GCSAM: variants seen among roughly 807,000 people sequenced by gnomAD.
GCSAM encodes the protein germinal center-associated signaling and motility protein.
Under a neutral mutation model 17.6 loss-of-function variants are expected in GCSAM, and 8 were observed. The ratio of observed to expected loss-of-function variants is 0.46; its 90% confidence interval spans 0.27 to 0.82. GCSAM has a LOEUF of 0.82. GCSAM is among the 40% of genes least tolerant of loss of function. The pLI, the probability that GCSAM is intolerant of heterozygous loss-of-function variation, is 0.15. For missense variants in GCSAM, 192 were observed against 213.5 expected, an observed-to-expected ratio of 0.90 and a Z score of 0.63; for synonymous variants, 68 against 69.0, an observed-to-expected ratio of 0.98 and a Z score of 0.07.
chr3:112,123,763 C>A lies in GCSAM; in HGVS notation c.229G>T (p.Asp77Tyr). ...CACAGCTCCTCTGAGTAGGTCTGGTCAACATTGTCCTGCTTGTCAAAGAAG... is the reference window on the plus strand; with the variant it reads ...CACAGCTCCTCTGAGTAGGTCTGGTAAACATTGTCCTGCTTGTCAAAGAAG... ...MSSTPIQDNV[D>Y]QTYSEELCYT... Residue 77 changes from aspartate (D) to tyrosine (Y), a missense_variant, in exon 6 of 6, where the codon GAC (aspartate) becomes TAC (tyrosine). Asp to Tyr is a radical substitution (Grantham distance 160). Transcript: ENST00000308910. The A allele has an allele frequency of 6.2e-7, 1 of 1,607,162 alleles. No individual in the cohort carries two copies. The highest frequency in any genetic ancestry group is 1.1e-5 in the South Asian group (1 of 90,334).
rs2074234796 is a variant in GCSAM, at chr3:112,123,320, A to C, written c.*135T>G. Reference sequence around the variant, plus strand: ...GTGCTAAGAGGGCTTGTGGTATACAAACCATGCTCTGCAGGGAAAGGGTTG... The same window carrying C: ...GTGCTAAGAGGGCTTGTGGTATACACACCATGCTCTGCAGGGAAAGGGTTG... On this transcript the variant is annotated 3_prime_UTR_variant, in exon 6 of 6. Transcript: ENST00000308910. 3 of 1,472,490 alleles carry C rather than the reference A, an allele frequency of 2.0e-6. No individual in the cohort carries two copies. The highest frequency in any genetic ancestry group is 2.7e-6 in the Non-Finnish European group (3 of 1,114,248). The allele number at this position is 1,472,490 out of a possible 1,614,324, so 91.2% of individuals were successfully genotyped here.
At chr3:112,132,952 T>C in intron 1 of GCSAM, 140 bp downstream of exon 1, 1 of 830,598 alleles carries the variant, frequency 1.2e-6, no homozygotes, top group Non-Finnish European at 1.9e-6. Context: ...GAGTAGGCAC[T>C]GAAGGCTTGG....
At chr3:112,128,293 A>G (rs2074376003) in intron 2 of GCSAM, 5 of 671,092 alleles carry the variant, frequency 7.5e-6, no homozygotes, top group African/African-American at 5.3e-5. Context: ...TGTTCCCAGC[A>G]AAGGAAAAAT....
intron 4 of GCSAM, among the ~76,000 whole-genome samples, chr3:112,126,395 A>G (rs1458282538): frequency 6.6e-6 from 1 of 152,058 alleles, no homozygotes; most frequent in Admixed American, 6.5e-5. Flanking sequence ...GTGTGATACA[A>G]TTCATCACAC....
Position 112,122,616 on chromosome 3 carries a change from C to T in GCSAM, c.*839G>A, listed in dbSNP as rs1407495460. 1 of 152,012 alleles carries T rather than the reference C, an allele frequency of 6.6e-6. No individual in the cohort carries two copies. The highest frequency in any genetic ancestry group is 1.5e-5 in the Non-Finnish European group (1 of 68,002). 9.4% of individuals were successfully genotyped at this position (152,012 alleles called of 1,614,324 possible). ...CATTTAGTATACATTTAATATATTG[C>T]AGAGGGCTTTCTATTTAGCATACTG... is the stretch of plus-strand genomic sequence containing the variant. On this transcript the variant is annotated 3_prime_UTR_variant, in exon 6 of 6. Transcript: ENST00000308910.
intron 2 of GCSAM, 36 bp downstream of exon 2, chr3:112,130,409 A>G (rs1322485790): frequency 1.3e-6 from 2 of 1,569,438 alleles, no homozygotes; most frequent in East Asian, 2.2e-5. Flanking sequence ...CTCCTTGGGC[A>G]AGGTCTGGGG....
chr3:112,124,727 G>A (rs2074273128), intron 5 of GCSAM, among the ~76,000 whole-genome samples: 1 of 152,200 alleles, frequency 6.6e-6, no homozygotes, highest in Non-Finnish European at 1.5e-5. Flanking sequence ...CTCAAGGGAA[G>A]GTTTCACTTA....
intron 2 of GCSAM, chr3:112,129,858 A>G (rs1210238833): frequency 6.6e-6 from 1 of 152,268 alleles, no homozygotes; most frequent in Non-Finnish European, 1.5e-5. Context: ...CCACAGAAAA[A>G]CTGACCTTGT....
In GCSAM at chr3:112,133,012, A is replaced by G. The variant is rs1198313516; in HGVS notation, c.29+80T>C. The G allele has an allele frequency of 2.4e-5, 34 of 1,438,884 alleles. No homozygotes were observed. The Admixed American group carries it at 4.7e-4, about 20-fold the overall frequency. 89.1% of individuals were successfully genotyped at this position (1,438,884 alleles called of 1,614,324 possible). ...TACCCCAACTTAGTGTGCTAACTGTATACTAGCTTTCTTTTTCTCTTCCTT... is the reference window on the plus strand; with the variant it reads ...TACCCCAACTTAGTGTGCTAACTGTGTACTAGCTTTCTTTTTCTCTTCCTT... On this transcript the variant is annotated intron_variant, in intron 1 of 5. Transcript: ENST00000308910.
chr3:112,125,303 GA>G, intron 4 of GCSAM, 49 bp from the exon 5 acceptor site: 2 of 1,303,872 alleles, frequency 1.5e-6, no homozygotes, highest in Non-Finnish European at 1.1e-6. Context: ...GGGGAGATTT[GA>G]AGGGAAGAGC....
At chr3:112,130,816 G>C in intron 1 of GCSAM, 1 of 398,756 alleles carries the variant, frequency 2.5e-6, no homozygotes, top group South Asian at 2.4e-5. Flanking sequence ...GAGAGTATCC[G>C]TGTCCAGAGA....
Position 112,133,116 on chromosome 3 carries a change from C to T in GCSAM, c.5G>A (p.Gly2Glu), listed in dbSNP as rs766949171. M[G>E]NSLLRENRRQ... ...CCTGTTTTCTCTCAGCAGAGAATTTCCCATCCTCTCAGTCCTCTCAGGGCT... is the reference window on the plus strand; with the variant it reads ...CCTGTTTTCTCTCAGCAGAGAATTTTCCATCCTCTCAGTCCTCTCAGGGCT... Residue 2 changes from glycine (G) to glutamate (E), a missense_variant, in exon 1 of 6, where the codon GGA becomes GAA. Physicochemically the swap from Gly to Glu is moderately conservative, Grantham distance 98. Transcript: ENST00000308910. 6.2e-7 allele frequency: 1 copy of T among 1,613,908 alleles called. No homozygotes were observed. The highest frequency in any genetic ancestry group is 8.5e-7 in the Non-Finnish European group (1 of 1,179,742).
Position 112,133,187 on chromosome 3 carries a change from A to G in GCSAM, c.-67T>C. The G allele has an allele frequency of 6.4e-7, 1 of 1,561,032 alleles. No individual in the cohort carries two copies. On this transcript the variant is annotated 5_prime_UTR_variant, in exon 1 of 6. Transcript: ENST00000308910. ...CTTCCTTCTTGCCTTGTGCTCTGAC[A>G]GGGCAACTCCTGACTTAAAGAAAGG...
intron 4 of GCSAM, 141 bp from the exon 5 acceptor site, chr3:112,125,395 C>T: frequency 1.5e-6 from 1 of 659,738 alleles, no homozygotes; most frequent in African/African-American, 1.8e-5. Context: ...ATCTACAGCA[C>T]ATCCCTGGGG....
intron 3 of GCSAM, 58 bp from the exon 4 acceptor site, chr3:112,127,091 A>G: frequency 9.1e-7 from 1 of 1,102,108 alleles, no homozygotes; most frequent in South Asian, 1.4e-5. Flanking sequence ...AAAGGAAATG[A>G]CACAAGCCTA....
At position 112,132,862 on chromosome 3, in the gene GCSAM, A is replaced by G. The variant is rs980614975; in HGVS notation, c.29+230T>C. On this transcript the variant is annotated intron_variant, in intron 1 of 5. Coordinates refer to ENST00000308910, the MANE Select transcript of GCSAM (RefSeq NM_152785.5). ...CCTTGGTAAAGTCTTTCCACCTTTC[A>G]GCTATTCTCCATCAGCTGCTCACCA... 1.0e-5 allele frequency: 5 copies of G among 499,860 alleles called. No homozygotes were observed. In the Admixed American group the frequency reaches 1.2e-4, roughly 12 times the overall value. The allele number at this position is 499,860 out of a possible 1,614,324, so 31.0% of individuals were successfully genotyped here.
Position 112,123,732 on chromosome 3 carries a change from G to T in GCSAM, c.260C>A (p.Thr87Asn), listed in dbSNP as rs751059230. Residue 87 changes from threonine to asparagine, a missense_variant, in exon 6 of 6, where the codon ACC becomes AAC. Transcript: ENST00000308910. ...DQTYSEELCY[T>N]LINHRVLCTR... is the part of the protein sequence containing the mutation. ...ACAGAGAACCCGATGATTGATGAGG[G>T]TATAGCACAGCTCCTCTGAGTAGGT... 3.1e-6 allele frequency: 5 copies of T among 1,613,970 alleles called. No homozygotes were observed.
chr3:112,132,451 A>G (rs1462945728), intron 1 of GCSAM, among the ~76,000 whole-genome samples: 1 of 152,210 alleles, frequency 6.6e-6, no homozygotes, highest in Non-Finnish European at 1.5e-5. Flanking sequence ...ATGGTCAGAA[A>G]AAGAAAGCAG....
intron 1 of GCSAM, among the ~76,000 whole-genome samples, chr3:112,132,235 G>A (rs973211993): frequency 1.3e-5 from 2 of 152,024 alleles, no homozygotes; most frequent in East Asian, 3.9e-4. Context: ...TCCTCTTTTC[G>A]GCAAGTGGTC....
Sources: allele counts gnomAD v4.1 joint callset (sites outside exome capture counted in the v4.1 genomes callset), GRCh38; gene constraint gnomAD v4.1.1; transcripts MANE v1.5; gene names NCBI Gene and HGNC (gene_info 2026-07-23, HGNC 2026-07-21).